The following PANK1 variants were observed in gnomAD, a reference collection of about 807,000 sequenced individuals.
PANK1 encodes pantothenate kinase 1.
In PANK1, 18 loss-of-function variants were observed where a neutral mutation model predicts 40.1. The observed-to-expected ratio is 0.45, with a 90% confidence interval of 0.31 to 0.67. The LOEUF is 0.67. Among genes scored for constraint, PANK1 ranks in the 30% least tolerant of loss-of-function variants. PANK1 has a pLI of 0.06. For synonymous variants in PANK1, 242 were observed against 237.7 expected (o/e 1.02, Z -0.17); for missense variants, 457 against 599.6 (o/e 0.76, Z 2.48).
chr10:89,619,813 G>A (rs765793441), intron 1 of PANK1, among the ~76,000 whole-genome samples: 26 of 152,154 alleles, frequency 1.7e-4, no homozygotes, highest in Non-Finnish European at 3.2e-4. Context: ...CAACAAGGGG[G>A]AAAATGTTTA....
Position 89,584,361 on chromosome 10 carries a change from T to C in PANK1, c.*45A>G, listed in dbSNP as rs752872899. 2.3e-6 allele frequency: 3 copies of C among 1,325,954 alleles called. No homozygotes were observed. The highest frequency in any genetic ancestry group is 2.3e-5 in the East Asian group (1 of 43,636). The allele number at this position is 1,325,954 out of a possible 1,614,324, so 82.1% of individuals were successfully genotyped here. On this transcript the variant is annotated 3_prime_UTR_variant, in exon 7 of 7. Coordinates refer to ENST00000307534, the MANE Select transcript of PANK1 (RefSeq NM_148977.3). ...TTCACCTTCTCCAGCAGCAATTTTTTAGTTCTCTGTCCTTTTGGGAGGCTG... is the reference window on the plus strand; with the variant it reads ...TTCACCTTCTCCAGCAGCAATTTTTCAGTTCTCTGTCCTTTTGGGAGGCTG...
chr10:89,644,052 A>T, intron 1 of PANK1: 1 of 290,788 alleles, frequency 3.4e-6, no homozygotes, highest in South Asian at 7.6e-5. Context: ...CCGTGAAGAA[A>T]CAGCTTCTAA....
At chr10:89,613,339 A>G (rs578121487) in intron 1 of PANK1, among the ~76,000 whole-genome samples, 44 of 152,326 alleles carry the variant, frequency 2.9e-4, no homozygotes, top group African/African-American at 1.0e-3. Flanking sequence ...GAGAACATCA[A>G]TATGAACCCT....
intron 3 of PANK1, among the ~76,000 whole-genome samples, chr10:89,595,648 T>C (rs534142691): frequency 2.2e-4 from 33 of 150,680 alleles, no homozygotes; most frequent in Admixed American, 7.9e-4. Flanking sequence ...GGTGAAACCC[T>C]GTCTCTATTA....
At chr10:89,592,588 G>A (rs1844430570) in intron 5 of PANK1, among the ~76,000 whole-genome samples, 1 of 152,198 alleles carries the variant, frequency 6.6e-6, no homozygotes, top group Admixed American at 6.5e-5. Context: ...ACCTCAGTGT[G>A]AAGAGTTCTA....
intron 3 of PANK1, among the ~76,000 whole-genome samples, chr10:89,596,444 C>G (rs1025138220): frequency 1.5e-4 from 23 of 152,308 alleles, no homozygotes; most frequent in African/African-American, 5.5e-4. Context: ...TGACAGACAA[C>G]TCCACATAAA....
Position 89,638,498 on chromosome 10 carries a change from A to G in PANK1, c.292+6102T>C, listed in dbSNP as rs1041390343. Among the ~76,000 whole-genome samples, 6 of 152,274 alleles carry G rather than the reference A, an allele frequency of 3.9e-5. 1 individual carries two copies. The South Asian group carries it at 1.2e-3, about 32-fold the overall frequency. ...AAAATGTTCTTTCATTCTCTACCAC[A>G]TGGCCAGGATGAGAATCCTTCAAAT... is the stretch of plus-strand genomic sequence containing the variant. On this transcript the variant is annotated intron_variant, in intron 1 of 6. Transcript: ENST00000307534.
At chr10:89,590,327 A>G (rs1844342227) in intron 5 of PANK1, among the ~76,000 whole-genome samples, 1 of 152,170 alleles carries the variant, frequency 6.6e-6, no homozygotes, top group Non-Finnish European at 1.5e-5. Flanking sequence ...CAATAGAGTA[A>G]TGAGTAAATA....
intron 1 of PANK1, among the ~76,000 whole-genome samples, chr10:89,624,266 T>C (rs1166891602): frequency 6.6e-6 from 1 of 152,208 alleles, no homozygotes; most frequent in African/African-American, 2.4e-5. Context: ...GGCTAGGACC[T>C]GCCATACTTT....
chr10:89,606,195 C>A (rs901970209), intron 2 of PANK1, among the ~76,000 whole-genome samples: 1 of 152,168 alleles, frequency 6.6e-6, no homozygotes, highest in Non-Finnish European at 1.5e-5. Context: ...CCATGAGCGT[C>A]GGCTTCAACT....
At chr10:89,642,994 T>C (rs1033269795) in intron 1 of PANK1, among the ~76,000 whole-genome samples, 9 of 152,176 alleles carry the variant, frequency 5.9e-5, no homozygotes, top group African/African-American at 2.2e-4. Context: ...TAAAATAATT[T>C]CTGTGGGTTT....
chr10:89,626,026 C>T (rs1845650583), intron 1 of PANK1, among the ~76,000 whole-genome samples: 1 of 152,218 alleles, frequency 6.6e-6, no homozygotes, highest in Non-Finnish European at 1.5e-5. Context: ...ATGAGCGTCA[C>T]TCTAGGGACC....
intron 1 of PANK1, among the ~76,000 whole-genome samples, chr10:89,627,881 A>G (rs1287483950): frequency 6.6e-6 from 1 of 152,202 alleles, no homozygotes. Flanking sequence ...ATAATAAGAT[A>G]TTAGTGTTGG....
chr10:89,620,227 C>T (rs762625765), intron 1 of PANK1, among the ~76,000 whole-genome samples: 6 of 152,172 alleles, frequency 3.9e-5, no homozygotes, highest in Non-Finnish European at 7.3e-5. Flanking sequence ...AGGATAACAG[C>T]GATTTTCAGG....
chr10:89,588,632 T>C lies in PANK1; in HGVS notation c.1326+20A>G. ...AATATACTCCACATATGACAGTAAG[T>C]CTATGCAAGCTCAACCTACCTCATG... is the stretch of plus-strand genomic sequence containing the variant. On this transcript the variant is annotated intron_variant, in intron 6 of 6. Coordinates refer to ENST00000307534, the MANE Select transcript of PANK1 (RefSeq NM_148977.3). 6.3e-7 allele frequency: 1 copy of C among 1,582,452 alleles called. No homozygotes were observed. Among genetic ancestry groups the C allele is most frequent in the Non-Finnish European group, 8.6e-7 (1 of 1,168,452 alleles).
intron 2 of PANK1, among the ~76,000 whole-genome samples, chr10:89,601,479 T>TAAAC (rs1218954001): frequency 6.6e-6 from 1 of 152,074 alleles, no homozygotes; most frequent in Non-Finnish European, 1.5e-5. Context: ...AGATTCTGTC[T>TAAAC]AAACAAACAA....
chr10:89,604,104 A>G (rs1844868795), intron 2 of PANK1, among the ~76,000 whole-genome samples: 1 of 152,224 alleles, frequency 6.6e-6, no homozygotes, highest in Admixed American at 6.5e-5. Context: ...ACATTGAAAA[A>G]AAGTGATGAA....
intron 1 of PANK1, among the ~76,000 whole-genome samples, chr10:89,628,819 C>T (rs1024529879): frequency 6.6e-6 from 1 of 152,196 alleles, no homozygotes; most frequent in African/African-American, 2.4e-5. Context: ...TTGAGGTCTT[C>T]TTGATGATTC....
intron 2 of PANK1, among the ~76,000 whole-genome samples, chr10:89,604,170 G>C (rs1358414120): frequency 1.3e-5 from 2 of 152,162 alleles, no homozygotes; most frequent in Non-Finnish European, 2.9e-5. Flanking sequence ...GAATAAGACT[G>C]TTGTTATATC....
Sources: allele counts gnomAD v4.1 joint callset (sites outside exome capture counted in the v4.1 genomes callset), GRCh38; gene constraint gnomAD v4.1.1; transcripts MANE v1.5; gene names NCBI Gene and HGNC (gene_info 2026-07-23, HGNC 2026-07-21).